The following ZNF425 variants were observed in gnomAD, a reference collection of about 807,000 sequenced individuals.
The protein encoded by ZNF425 is zinc finger protein 425.
ZNF425 carries 21 observed loss-of-function variants against 17.0 expected under a neutral mutation model. The ratio of observed to expected loss-of-function variants is 1.23; its 90% CI spans 0.88 to 1.78. The LOEUF is 1.78. Among genes scored for constraint, ZNF425 ranks in the 40% most tolerant of loss-of-function variants. ZNF425 has a pLI of 0.00. For missense variants in ZNF425, 868 were observed against 967.3 expected (o/e 0.90, Z 1.36); for synonymous variants, 433 against 384.1 (o/e 1.13, Z -1.49).
intron 2 of ZNF425, among the ~76,000 whole-genome samples, chr7:149,113,032 A>G (rs1826201165): frequency 7.4e-6 from 1 of 135,808 alleles, no homozygotes; most frequent in South Asian, 2.3e-4. Flanking sequence ...GCTGGAATGC[A>G]GTGGTGCGAT....
intron 1 of ZNF425, among the ~76,000 whole-genome samples, chr7:149,125,262 C>T (rs1157145729): frequency 6.6e-6 from 1 of 152,194 alleles, no homozygotes; most frequent in Non-Finnish European, 1.5e-5. Flanking sequence ...AACTTGCACA[C>T]TTAAGCAAGT....
intron 1 of ZNF425, among the ~76,000 whole-genome samples, chr7:149,121,866 C>T (rs1826360197): frequency 1.3e-5 from 2 of 152,006 alleles, no homozygotes; most frequent in Non-Finnish European, 2.9e-5. Context: ...TGTGTTTTTT[C>T]CCATGAAAAT....
chr7:149,112,047 C>T (rs373334796), intron 3 of ZNF425, 90 bp downstream of exon 3: 3 of 1,360,110 alleles, frequency 2.2e-6, no homozygotes, highest in Admixed American at 2.1e-5. Flanking sequence ...TTTTTATTGA[C>T]TAGATCTAGT....
chr7:149,111,608 A>G (rs1193935810), intron 3 of ZNF425, among the ~76,000 whole-genome samples: 2 of 147,776 alleles, frequency 1.4e-5, no homozygotes, highest in Non-Finnish European at 3.0e-5. Context: ...AAAAAAAAAA[A>G]AAAAAAAAAA....
chr7:149,118,271 T>C lies in ZNF425; in HGVS notation c.96A>G (p.Gln32=), dbSNP rs761056106. The C allele has an allele frequency of 3.7e-6, 6 of 1,614,112 alleles. No individual in the cohort carries two copies. The highest frequency in any genetic ancestry group is 5.1e-6 in the Non-Finnish European group (6 of 1,180,026). ...TGGTCTTCATCTCTTGCTTATACAT[T>C]TGCTTCTGCCACTTCTCCAGGATCT... ...EWEILEKWQK[Q]MYKQEMKTNY... The change falls in exon 2 of 4, where the codon CAA becomes CAG. Residue 32 remains glutamine (Q), a synonymous_variant. Transcript: ENST00000378061.
intron 1 of ZNF425, among the ~76,000 whole-genome samples, chr7:149,124,208 T>C (rs971196221): frequency 2.8e-5 from 4 of 144,738 alleles, no homozygotes; most frequent in Admixed American, 2.1e-4. Flanking sequence ...CAGGCTGGAG[T>C]GCAGTGGCGT....
intron 3 of ZNF425, among the ~76,000 whole-genome samples, chr7:149,106,466 C>T (rs2129517800): frequency 6.8e-6 from 1 of 147,388 alleles, no homozygotes; most frequent in African/African-American, 2.5e-5. Context: ...CTCAAACTGA[C>T]CTCAAACAAT....
chr7:149,104,759 G>T lies in ZNF425; in HGVS notation c.1112C>A (p.Ala371Asp). 1 of 1,613,034 alleles carries T rather than the reference G, an allele frequency of 6.2e-7. No homozygotes were observed. The highest frequency in any genetic ancestry group is 8.5e-7 in the Non-Finnish European group (1 of 1,179,840). The part of the protein sequence containing the change: ...PECGRSFSRK[A>D]ALKTHQRTHS... Reference sequence around the variant, plus strand: ...CGTCCTCTGGTGGGTCTTCAGGGCAGCCTTCCGGGAGAAGCTCCGGCCACA... The same window carrying T: ...CGTCCTCTGGTGGGTCTTCAGGGCATCCTTCCGGGAGAAGCTCCGGCCACA... The change falls in exon 4 of 4, where the codon GCT becomes GAT. Residue 371 changes from alanine (A) to aspartate (D), a missense_variant. Coordinates refer to ENST00000378061, the MANE Select transcript of ZNF425 (RefSeq NM_001001661.3). This position sits in a 1 kb window ranked among gnomAD's most constrained non-coding sequence, Gnocchi z 4.3.
Position 149,104,696 on chromosome 7 carries a change from C to T in ZNF425, c.1175G>A (p.Gly392Asp), listed in dbSNP as rs959984243. Residue 392 changes from glycine to aspartate, a missense_variant, in exon 4 of 4, where the codon GGC becomes GAC. Gly to Asp is a moderately conservative substitution (Grantham distance 94, BLOSUM62 -1). Coordinates refer to ENST00000378061, the MANE Select transcript of ZNF425 (RefSeq NM_001001661.3). The surrounding 1 kb of genome is among the most constrained non-coding windows in gnomAD (Gnocchi z 4.3). ...CTTAATCTTGTAGATGAATTTCCTG[C>T]CACATTCACCACAAGAAAACGGCTT... ...EEKPFSCGEC[G>D]RKFIYKIKLD... is the part of the protein sequence containing the mutation. 2.2e-5 allele frequency: 36 copies of T among 1,613,678 alleles called. No individual in the cohort carries two copies. Among genetic ancestry groups the T allele is most frequent in the Non-Finnish European group, 3.1e-5 (36 of 1,180,046 alleles).
At chr7:149,113,995 TAGAG>T (rs1002352580) in intron 2 of ZNF425, among the ~76,000 whole-genome samples, 6 of 135,936 alleles carry the variant, frequency 4.4e-5, no homozygotes, top group East Asian at 2.3e-4. Context: ...GCCTAGGTGA[TAGAG>T]AGAGACTCTG....
At chr7:149,114,870 T>C (rs1826234567) in intron 2 of ZNF425, among the ~76,000 whole-genome samples, 1 of 150,430 alleles carries the variant, frequency 6.6e-6, no homozygotes, top group Non-Finnish European at 1.5e-5. Flanking sequence ...TCTGATGAGA[T>C]GGCTCACATC....
At chr7:149,116,485 ATCT>A (rs922894438) in intron 2 of ZNF425, among the ~76,000 whole-genome samples, 1 of 152,038 alleles carries the variant, frequency 6.6e-6, no homozygotes, top group Non-Finnish European at 1.5e-5. Context: ...TCTGGAGACC[ATCT>A]TCTTCTGTCT....
Position 149,118,206 on chromosome 7 carries a change from T to C in ZNF425, c.145+16A>G. 6.2e-7 allele frequency: 1 copy of C among 1,614,020 alleles called. No homozygotes were observed. Among genetic ancestry groups the C allele is most frequent in the Non-Finnish European group, 8.5e-7 (1 of 1,179,968 alleles). ...GGTTGGTTCCTAAAAAGTGATTCCT[T>C]AGAAGCTCATCTTACCCAGGGAATC... is the stretch of plus-strand genomic sequence containing the variant. On this transcript the variant is annotated intron_variant, in intron 2 of 3. Coordinates refer to ENST00000378061, the MANE Select transcript of ZNF425 (RefSeq NM_001001661.3).
intron 3 of ZNF425, among the ~76,000 whole-genome samples, chr7:149,109,801 A>G (rs1826143505): frequency 6.6e-6 from 1 of 152,038 alleles, no homozygotes; most frequent in African/African-American, 2.4e-5. Context: ...GAGGCACTCG[A>G]TATTGGTTAG....
At chr7:149,106,402 T>G (rs2129517793) in intron 3 of ZNF425, among the ~76,000 whole-genome samples, 1 of 152,080 alleles carries the variant, frequency 6.6e-6, no homozygotes, top group South Asian at 2.1e-4. Context: ...CATACCCAGC[T>G]AATGTTTTGT....
chr7:149,112,853 T>G (rs111345892), intron 2 of ZNF425, among the ~76,000 whole-genome samples: 2 of 151,108 alleles, frequency 1.3e-5, no homozygotes, highest in Admixed American at 6.6e-5. Context: ...TTTATAGAGA[T>G]AGCGTTTTGC....
At position 149,105,008 on chromosome 7, in the gene ZNF425, T is replaced by C; in HGVS notation, c.863A>G (p.Asn288Ser). The change falls in exon 4 of 4, where the codon AAC becomes AGC. Residue 288 changes from asparagine to serine, a missense_variant. Asn to Ser is a conservative substitution (Grantham distance 46, BLOSUM62 1). Coordinates refer to ENST00000378061, the MANE Select transcript of ZNF425 (RefSeq NM_001001661.3). ...ECDKTFRYRA[N>S]LKKHLCLHRG... ...GTGTAGACACAGGTGCTTCTTCAGG[T>C]TGGCCCTGTACCGGAAGGTCTTGTC... 6.2e-7 allele frequency: 1 copy of C among 1,614,120 alleles called. No homozygotes were observed. The highest frequency in any genetic ancestry group is 8.5e-7 in the Non-Finnish European group (1 of 1,179,996).
In ZNF425 at chr7:149,123,750, T is replaced by C. The variant is rs571070836; in HGVS notation, c.18+2446A>G. On this transcript the variant is annotated intron_variant, in intron 1 of 3. Coordinates refer to ENST00000378061, the MANE Select transcript of ZNF425 (RefSeq NM_001001661.3). ...TTTCGCCATGTTGGCCAGGCTGGTC[T>C]GGAACTCCTGACCTCAGTTGATCCG... Among the ~76,000 whole-genome samples the C allele has an allele frequency of 2.0e-5, 3 of 151,988 alleles. No homozygotes were observed. In the South Asian group the frequency reaches 6.2e-4, roughly 32 times the overall value.
chr7:149,107,436 C>T (rs1302313414), intron 3 of ZNF425, among the ~76,000 whole-genome samples: 1 of 151,764 alleles, frequency 6.6e-6, no homozygotes, highest in African/African-American at 2.4e-5. Flanking sequence ...CTCCCGGGTT[C>T]ATGCCATTCT....
Sources: allele counts gnomAD v4.1 joint callset (sites outside exome capture counted in the v4.1 genomes callset), GRCh38; gene constraint gnomAD v4.1.1; non-coding constraint Gnocchi (gnomAD v3.1); transcripts MANE v1.5; gene names NCBI Gene and HGNC (gene_info 2026-07-23, HGNC 2026-07-21).